The following PI4KA variants were observed in gnomAD, a reference collection of about 807,000 sequenced individuals.
PI4KA encodes the protein phosphatidylinositol 4-kinase alpha, also known as PI4-kinase alpha.
In PI4KA, 122 loss-of-function variants were observed where a neutral mutation model predicts 271.4. The ratio of observed to expected loss-of-function variants is 0.45; its 90% confidence interval spans 0.39 to 0.52. The LOEUF (loss-of-function observed/expected upper bound fraction) is 0.52. Ranked by LOEUF, PI4KA falls within the 20% of genes least tolerant of loss-of-function variation. The probability of loss-of-function intolerance (pLI) is 0.00; values close to 1 mark genes in which losing one functional copy is unlikely to be tolerated. For synonymous variants in PI4KA, 1,041 were observed against 1,078.8 expected (o/e 0.96, Z 0.69); for missense variants, 1,969 against 2,769.1 (o/e 0.71, Z 6.48).
In PI4KA at chr22:20,796,127, T is replaced by C. The variant is rs773782715; in HGVS notation, c.2277+19A>G. On this transcript the variant is annotated intron_variant, in intron 18 of 54. Transcript: ENST00000255882. Reference sequence around the variant, plus strand: ...GGATAGGACACTGATGGGGAAGGCATAGCCATCCTCCTTCCTACCTTTAGG... The same window carrying C: ...GGATAGGACACTGATGGGGAAGGCACAGCCATCCTCCTTCCTACCTTTAGG... The C allele has an allele frequency of 4.4e-6, 7 of 1,601,828 alleles. No homozygotes were observed. The highest frequency in any genetic ancestry group is 2.7e-5 in the African/African-American group (2 of 74,682).
chr22:20,856,926 A>T (rs191257594), intron 1 of PI4KA, among the ~76,000 whole-genome samples: 1 of 152,242 alleles, frequency 6.6e-6, no homozygotes, highest in Non-Finnish European at 1.5e-5. Context: ...AGATCATCCA[A>T]TTCACTGCAT....
At chr22:20,751,785 G>C in intron 25 of PI4KA, 30 bp from the exon 26 acceptor site, 1 of 1,597,640 alleles carries the variant, frequency 6.3e-7, no homozygotes, top group Non-Finnish European at 8.6e-7. Context: ...TCAGGACCAA[G>C]AGCCAAACCT....
At chr22:20,818,594 A>T (rs745797429) in intron 6 of PI4KA, 45 bp from the exon 7 acceptor site, 2 of 1,415,092 alleles carry the variant, frequency 1.4e-6, no homozygotes. Context: ...GACCAGTGAG[A>T]CCTCCATCAG....
chr22:20,820,279 C>A (rs1434034908), intron 5 of PI4KA, among the ~76,000 whole-genome samples: 1 of 152,160 alleles, frequency 6.6e-6, no homozygotes, highest in Non-Finnish European at 1.5e-5. Context: ...CTAATCTACC[C>A]ACAGATGTTA....
chr22:20,790,057 C>T (rs887574440), intron 19 of PI4KA, among the ~76,000 whole-genome samples: 5 of 152,156 alleles, frequency 3.3e-5, no homozygotes, highest in Admixed American at 2.0e-4. Flanking sequence ...CCATTCAAAA[C>T]GTTTAACTAA....
In PI4KA at chr22:20,824,411, G is replaced by A; in HGVS notation, c.371C>T (p.Ala124Val). 1 of 1,610,292 alleles carries A rather than the reference G, an allele frequency of 6.2e-7. No individual in the cohort carries two copies. Among genetic ancestry groups the A allele is most frequent in the Non-Finnish European group, 8.5e-7 (1 of 1,177,474 alleles). ...EESTARKGRGALPVAESFSFC... is the reference protein window; with the variant it reads ...EESTARKGRGVLPVAESFSFC... ...GCTGAAGCTCTCTGCAACCGGGAGG[G>A]CACCTGGAAGATGTAAAAACATAAA... The change falls in exon 4 of 55, where the codon GCC (alanine) becomes GTC (valine). Residue 124 changes from alanine (A) to valine (V), a missense_variant. Transcript: ENST00000255882.
At chr22:20,780,280 C>G in intron 19 of PI4KA, 2 of 1,592,182 alleles carry the variant, frequency 1.3e-6, no homozygotes, top group Non-Finnish European at 1.7e-6. Context: ...ATGCCAAGAA[C>G]TGTACTGTAG....
At chr22:20,842,793 C>A (rs1425618407) in intron 1 of PI4KA, among the ~76,000 whole-genome samples, 1 of 144,838 alleles carries the variant, frequency 6.9e-6, no homozygotes, top group Admixed American at 7.1e-5. Flanking sequence ...CCAGCCTGGG[C>A]CACAGAGCAA....
chr22:20,819,747 C>G lies in PI4KA; in HGVS notation c.683G>C (p.Arg228Thr). The G allele has an allele frequency of 6.2e-7, 1 of 1,614,108 alleles. No individual in the cohort carries two copies. Among genetic ancestry groups the G allele is most frequent in the Non-Finnish European group, 8.5e-7 (1 of 1,180,034 alleles). Residue 228 changes from arginine (R) to threonine (T), a missense_variant, in exon 6 of 55, where the codon AGG becomes ACG. Arg to Thr is a moderately conservative substitution (Grantham distance 71, BLOSUM62 -1). This residue lies in a region of PI4KA where 540 missense variants were observed against 555.5 expected (regional missense o/e 0.97). Coordinates refer to ENST00000255882, the MANE Select transcript of PI4KA (RefSeq NM_058004.4). ...RVLEELEGVRRRSFNDFRSIL... is the reference protein window; with the variant it reads ...RVLEELEGVRTRSFNDFRSIL... ...GGAGCGGAAGTCATTAAAGGAACGCCTTCGAACACCTTCAAGCTCTTCCAG... is the reference window on the plus strand; with the variant it reads ...GGAGCGGAAGTCATTAAAGGAACGCGTTCGAACACCTTCAAGCTCTTCCAG...
chr22:20,722,021 A>G (rs937812468), intron 42 of PI4KA: 1 of 152,916 alleles, frequency 6.5e-6, no homozygotes, highest in African/African-American at 2.4e-5. Context: ...TAAATGTTTG[A>G]CAGTTCCTCC....
chr22:20,838,572 C>A (rs777546097), intron 2 of PI4KA, 43 bp downstream of exon 2: 3 of 1,080,956 alleles, frequency 2.8e-6, no homozygotes, highest in Middle Eastern at 2.0e-4. Flanking sequence ...CTCACTACAC[C>A]CCCTTTTACA....
Position 20,718,817 on chromosome 22 carries a change from T to A in PI4KA, c.5122A>T (p.Ile1708Phe). Residue 1708 changes from isoleucine (I) to phenylalanine (F), a missense_variant, in exon 44 of 55, where the codon ATC becomes TTC. Transcript: ENST00000255882. The part of the protein sequence containing the change: ...DEEGHQKDPD[I>F]GDLLDQLVEE... The stretch of plus-strand genomic sequence containing the variant: ...ACCAACTGATCCAGGAGGTCGCCGA[T>A]GTCAGCTGCCAAGGAAGCAAAGAGG... The A allele has an allele frequency of 6.2e-7, 1 of 1,613,852 alleles. No homozygotes were observed. The highest frequency in any genetic ancestry group is 2.2e-5 in the East Asian group (1 of 44,892).
At chr22:20,854,313 GT>G (rs987019560) in intron 1 of PI4KA, among the ~76,000 whole-genome samples, 1 of 151,886 alleles carries the variant, frequency 6.6e-6, no homozygotes, top group African/African-American at 2.4e-5. Flanking sequence ...TAGAGACGGG[GT>G]TTCACCATGT....
At chr22:20,814,834 A>G (rs165701) in intron 7 of PI4KA, among the ~76,000 whole-genome samples, 57,671 of 150,210 alleles carry the variant, frequency 0.38, 11,456 homozygotes, top group African/African-American at 0.49. Flanking sequence ...CAACAAAAAT[A>G]AAGTCATTCA....
chr22:20,756,805 A>AT (rs1166419532), intron 23 of PI4KA, among the ~76,000 whole-genome samples: 7 of 151,272 alleles, frequency 4.6e-5, no homozygotes, highest in Non-Finnish European at 1.0e-4. Flanking sequence ...TAATTTTTGT[A>AT]TTTTTAGTAG....
At position 20,818,491 on chromosome 22, in the gene PI4KA, T is replaced by C. The variant is rs373620551; in HGVS notation, c.848A>G (p.Tyr283Cys). 1.6e-5 allele frequency: 26 copies of C among 1,580,304 alleles called. No individual in the cohort carries two copies. Among genetic ancestry groups the C allele is most frequent in the Non-Finnish European group, 2.1e-5 (24 of 1,167,036 alleles). ...GGAAAGGTGAAGCCCACCTTCAAAG[T>C]AGTGAAAGGCAGATCCTCCAGGGGA... ...PSSPGGSAFH[Y>C]FEASCLPDGT... The change falls in exon 7 of 55, where the codon TAC becomes TGC. Residue 283 changes from tyrosine to cysteine, a missense_variant. Tyr to Cys is a radical substitution (Grantham distance 194). This residue lies in a region of PI4KA where 540 missense variants were observed against 555.5 expected (regional missense o/e 0.97). Coordinates refer to ENST00000255882, the MANE Select transcript of PI4KA (RefSeq NM_058004.4).
chr22:20,742,807 C>A lies in PI4KA; in HGVS notation c.3457-43G>T, dbSNP rs750490037. On this transcript the variant is annotated intron_variant, in intron 30 of 54. Coordinates refer to ENST00000255882, the MANE Select transcript of PI4KA (RefSeq NM_058004.4). ...TCAGCAACTAAGCATATAATCCAGG[C>A]AATGTGGGTAAGGTTCTGGAAGCCA... The A allele has an allele frequency of 3.7e-6, 6 of 1,602,302 alleles. No individual in the cohort carries two copies. In the South Asian group the frequency reaches 4.4e-5, roughly 12 times the overall value.
intron 19 of PI4KA, among the ~76,000 whole-genome samples, chr22:20,792,117 A>G (rs1200039218): frequency 6.6e-6 from 1 of 152,100 alleles, no homozygotes; most frequent in Non-Finnish European, 1.5e-5. Context: ...AAAAAATAAA[A>G]TACAATATAA....
intron 14 of PI4KA, 122 bp from the exon 15 acceptor site, chr22:20,799,888 C>T: frequency 1.6e-6 from 1 of 615,426 alleles, no homozygotes; most frequent in Non-Finnish European, 2.8e-6. Flanking sequence ...TTCTTCCCCC[C>T]AAATTGGAGG....
Sources: gnomAD v4.1 joint callset for allele counts (sites outside exome capture counted in the v4.1 genomes callset) on GRCh38, gnomAD v4.1.1 for gene constraint, gnomAD v4.1.1 regional missense constraint, MANE v1.5 for transcripts, NCBI Gene and HGNC (gene_info 2026-07-23, HGNC 2026-07-21) for gene names.